Variants in GRM8 observed in about 807,000 individuals in gnomAD.
GRM8 encodes the protein metabotropic glutamate receptor 8.
A neutral mutation model predicts 87.2 loss-of-function variants in GRM8; 47 were observed. That is an observed-to-expected ratio of 0.54 (90% CI 0.43 to 0.69). The LOEUF (loss-of-function observed/expected upper bound fraction) is 0.69, where lower values mean the gene tolerates loss of function less well. Among genes scored for constraint, GRM8 ranks in the 30% least tolerant of loss-of-function variants. The probability of loss-of-function intolerance (pLI) is 0.00; values close to 1 mark genes in which losing one functional copy is unlikely to be tolerated. For missense variants in GRM8, 1,019 were observed against 1,139.2 expected (o/e 0.89, Z 1.52); for synonymous variants, 396 against 404.5 (o/e 0.98, Z 0.25).
chr7:126,513,985 A>G (rs1811799303), intron 9 of GRM8, among the ~76,000 whole-genome samples: 1 of 152,158 alleles, frequency 6.6e-6, no homozygotes, highest in Admixed American at 6.5e-5. Context: ...AAAAAGAAAC[A>G]AAGTAGAGAG....
At chr7:126,809,519 T>C (rs1282264055) in intron 6 of GRM8, among the ~76,000 whole-genome samples, 1 of 152,150 alleles carries the variant, frequency 6.6e-6, no homozygotes, top group Non-Finnish European at 1.5e-5. Flanking sequence ...AAGCCTTATA[T>C]CAAAGACCTT....
intron 8 of GRM8, among the ~76,000 whole-genome samples, chr7:126,568,206 G>A (rs1181800628): frequency 6.6e-6 from 1 of 152,090 alleles, no homozygotes; most frequent in East Asian, 1.9e-4. Flanking sequence ...TCAGGAGTGT[G>A]TATGTGCCTC....
intron 8 of GRM8, among the ~76,000 whole-genome samples, chr7:126,604,426 T>G (rs776264362): frequency 6.6e-6 from 1 of 152,160 alleles, no homozygotes; most frequent in African/African-American, 2.4e-5. Flanking sequence ...AGCTTCAGTT[T>G]GATTTCATAC....
intron 7 of GRM8, among the ~76,000 whole-genome samples, chr7:126,759,105 C>T (rs1439769679): frequency 6.6e-6 from 1 of 151,874 alleles, no homozygotes; most frequent in African/African-American, 2.4e-5. Flanking sequence ...ACCATGTTGG[C>T]CAGGCTGGTC....
chr7:127,059,177 G>GA (rs1224016240), intron 3 of GRM8, among the ~76,000 whole-genome samples: 2 of 152,046 alleles, frequency 1.3e-5, no homozygotes, highest in African/African-American at 2.4e-5. Flanking sequence ...TTTGTATCTT[G>GA]AAAAATGAAT....
intron 2 of GRM8, among the ~76,000 whole-genome samples, chr7:127,192,375 A>G (rs1795071745): frequency 6.6e-6 from 1 of 152,174 alleles, no homozygotes; most frequent in Admixed American, 6.5e-5. Context: ...CAGGGGTGTG[A>G]GTGGAGGAAG....
At chr7:127,172,708 CAA>C (rs61607299) in intron 2 of GRM8, among the ~76,000 whole-genome samples, 78 of 131,066 alleles carry the variant, frequency 6.0e-4, no homozygotes, top group Middle Eastern at 4.2e-3. Context: ...GACTCCGTCT[CAA>C]AAAAAAAAAA....
chr7:127,165,701 C>A (rs1212291536), intron 2 of GRM8, among the ~76,000 whole-genome samples: 1 of 152,136 alleles, frequency 6.6e-6, no homozygotes, highest in Non-Finnish European at 1.5e-5. Context: ...TTGCCCACAG[C>A]CTGCCTTACA....
intron 9 of GRM8, among the ~76,000 whole-genome samples, chr7:126,528,182 G>A (rs1350894100): frequency 1.3e-5 from 2 of 152,044 alleles, no homozygotes; most frequent in African/African-American, 4.8e-5. Context: ...CCAGCCTGGT[G>A]ACAGAGCAGA....
intron 8 of GRM8, among the ~76,000 whole-genome samples, chr7:126,606,342 A>C (rs1002690321): frequency 6.6e-6 from 1 of 152,188 alleles, no homozygotes; most frequent in Non-Finnish European, 1.5e-5. Flanking sequence ...CATAAGTAAC[A>C]TTTATAGATC....
intron 7 of GRM8, among the ~76,000 whole-genome samples, chr7:126,616,990 A>G (rs542453279): frequency 6.6e-6 from 1 of 152,338 alleles, no homozygotes; most frequent in African/African-American, 2.4e-5. Flanking sequence ...TATTCCAATC[A>G]ATAGAAAAAG....
chr7:126,715,220 T>C (rs1811591474), intron 7 of GRM8, among the ~76,000 whole-genome samples: 1 of 152,212 alleles, frequency 6.6e-6, no homozygotes, highest in Non-Finnish European at 1.5e-5. Flanking sequence ...CACAATTTAC[T>C]GGAGAGATGA....
At chr7:127,092,702 G>T (rs1824265759) in intron 3 of GRM8, among the ~76,000 whole-genome samples, 1 of 152,132 alleles carries the variant, frequency 6.6e-6, no homozygotes. Flanking sequence ...GTGAGACTCT[G>T]TCTCAGGGGG....
chr7:126,629,269 G>A (rs3802001), intron 7 of GRM8, among the ~76,000 whole-genome samples: 46,858 of 151,926 alleles, frequency 0.31, 8,093 homozygotes, highest in East Asian at 0.43. Flanking sequence ...TGTTATTTCC[G>A]GTTTATAAAC....
intron 9 of GRM8, among the ~76,000 whole-genome samples, chr7:126,480,396 A>AATAC (rs111264966): frequency 0.3 from 45,270 of 151,790 alleles, 7,351 homozygotes; most frequent in South Asian, 0.45. Flanking sequence ...TAAATAAATA[A>AATAC]ATAAATAAGT....
intron 9 of GRM8, among the ~76,000 whole-genome samples, chr7:126,480,371 G>A (rs2150591013): frequency 6.6e-6 from 1 of 151,208 alleles, no homozygotes; most frequent in East Asian, 2.0e-4. Flanking sequence ...TTGACAGAGT[G>A]AGATTCTGTC....
intron 8 of GRM8, among the ~76,000 whole-genome samples, chr7:126,550,090 A>G (rs937622148): frequency 3.9e-5 from 6 of 151,976 alleles, no homozygotes; most frequent in Admixed American, 3.9e-4. Flanking sequence ...GTTCCAGAGT[A>G]GAGTGAAAAT....
chr7:127,026,583 C>T (rs1370735722), intron 3 of GRM8, among the ~76,000 whole-genome samples: 5 of 152,070 alleles, frequency 3.3e-5, no homozygotes, highest in Non-Finnish European at 7.4e-5. Context: ...TTTGATTTGC[C>T]TTTCTCTGAT....
chr7:126,631,190 CATGAT>C (rs1208676835), intron 7 of GRM8, among the ~76,000 whole-genome samples: 1 of 152,114 alleles, frequency 6.6e-6, no homozygotes, highest in Non-Finnish European at 1.5e-5. Flanking sequence ...TGCAAAGTCT[CATGAT>C]ACAAAATCAA....
Sources: allele counts gnomAD v4.1 joint callset (sites outside exome capture counted in the v4.1 genomes callset), GRCh38; gene constraint gnomAD v4.1.1; transcripts MANE v1.5; gene names NCBI Gene and HGNC (gene_info 2026-07-23, HGNC 2026-07-21).